Variants in NR3C2 observed in about 807,000 individuals in gnomAD.
The protein encoded by NR3C2 is mineralocorticoid receptor.
Under a neutral mutation model 86.4 loss-of-function variants are expected in NR3C2, and 15 were observed. The observed-to-expected ratio is 0.17, with a 90% CI of 0.12 to 0.27. The LOEUF (loss-of-function observed/expected upper bound fraction) is 0.27. NR3C2 is among the 10% of genes least tolerant of loss of function. The pLI, the probability that NR3C2 is intolerant of heterozygous loss-of-function variation, is 1.00. For missense variants in NR3C2, 960 were observed against 1,195.6 expected, an observed-to-expected ratio of 0.80 and a Z score of 2.91; for synonymous variants, 458 against 450.5, an observed-to-expected ratio of 1.02 and a Z score of -0.21.
At chr4:148,354,416 A>G (rs565529870) in intron 2 of NR3C2, among the ~76,000 whole-genome samples, 169 of 152,274 alleles carry the variant, frequency 1.1e-3, no homozygotes, top group African/African-American at 3.9e-3. Context: ...CGTATTTTCT[A>G]TGGTGCCGGG....
intron 2 of NR3C2, among the ~76,000 whole-genome samples, chr4:148,365,097 A>C (rs1746044156): frequency 6.6e-6 from 1 of 152,212 alleles, no homozygotes; most frequent in Admixed American, 6.5e-5. Flanking sequence ...ATATGCTACC[A>C]ATAAGCAATC....
intron 8 of NR3C2, among the ~76,000 whole-genome samples, chr4:148,097,741 GTTTTTTTTTGTT>G (rs1205603307): frequency 6.5e-5 from 7 of 107,488 alleles, no homozygotes; most frequent in Admixed American, 1.9e-4. Flanking sequence ...ACTTTTTTGC[GTTTTTTTTTGTT>G]TTTTTTTTTT....
chr4:148,205,502 C>A (rs1736959057), intron 3 of NR3C2, among the ~76,000 whole-genome samples: 1 of 152,188 alleles, frequency 6.6e-6, no homozygotes, highest in African/African-American at 2.4e-5. Context: ...TTTTTAACCA[C>A]AGTAAATATG....
chr4:148,295,904 T>C (rs1742025265), intron 2 of NR3C2, among the ~76,000 whole-genome samples: 1 of 151,936 alleles, frequency 6.6e-6, no homozygotes. Flanking sequence ...TGCAGCCCAA[T>C]AGGAGCTCTA....
At chr4:148,380,555 C>T (rs769263885) in intron 2 of NR3C2, among the ~76,000 whole-genome samples, 5 of 152,174 alleles carry the variant, frequency 3.3e-5, no homozygotes, top group African/African-American at 1.2e-4. Flanking sequence ...ATTTTACATT[C>T]CCACCAGCAA....
chr4:148,165,877 T>C (rs61757922), intron 4 of NR3C2, among the ~76,000 whole-genome samples: 1 of 152,164 alleles, frequency 6.6e-6, no homozygotes, highest in African/African-American at 2.4e-5. Flanking sequence ...TAAACAATCT[T>C]CAAGTCAGAA....
chr4:148,277,353 G>C (rs1229465695), intron 2 of NR3C2, among the ~76,000 whole-genome samples: 2 of 152,098 alleles, frequency 1.3e-5, no homozygotes, highest in Non-Finnish European at 2.9e-5. Flanking sequence ...AATCCTCATG[G>C]CTACAGATCA....
At chr4:148,442,427 G>GCAGGGGCAGGGC (rs1488731948), upstream of NR3C2, 29 of 159,696 alleles carry the variant, frequency 1.8e-4, no homozygotes, top group South Asian at 1.4e-3. Context: ...GGGGGCAGGG[G>GCAGGGGCAGGGC]CAGGGGCAGG....
intron 2 of NR3C2, among the ~76,000 whole-genome samples, chr4:148,292,061 T>C (rs1414820312): frequency 3.3e-5 from 5 of 152,116 alleles, no homozygotes; most frequent in South Asian, 4.1e-4. Context: ...TTTTGCACCA[T>C]TGAGGTAATA....
chr4:148,308,463 C>A (rs1210111353), intron 2 of NR3C2, among the ~76,000 whole-genome samples: 1 of 151,880 alleles, frequency 6.6e-6, no homozygotes, highest in African/African-American at 2.4e-5. Flanking sequence ...TGATGAGTAC[C>A]AACTTATGAC....
chr4:148,229,673 G>C (rs1738362239), intron 3 of NR3C2, among the ~76,000 whole-genome samples: 1 of 152,164 alleles, frequency 6.6e-6, no homozygotes, highest in South Asian at 2.1e-4. Flanking sequence ...AGGTCTCCCA[G>C]TTCTAAGATC....
At chr4:148,343,267 A>G (rs910544070) in intron 2 of NR3C2, among the ~76,000 whole-genome samples, 2 of 152,058 alleles carry the variant, frequency 1.3e-5, no homozygotes, top group Non-Finnish European at 2.9e-5. Context: ...GGTCCTTGTT[A>G]TTTTATCTCA....
rs1578875100 is a variant in NR3C2, at chr4:148,094,735, A to AC, written c.2800-13237dup. Among the ~76,000 whole-genome samples, 12 of 135,468 alleles carry AC rather than the reference A, an allele frequency of 8.9e-5. No homozygotes were observed. In the South Asian group the frequency reaches 2.0e-3, roughly 22 times the overall value. 88.9% of individuals were successfully genotyped at this position (135,468 alleles called of 152,430 possible). A position where few individuals can be genotyped will look rare whatever the true frequency, so the allele number is the denominator to read the frequency against. On this transcript the variant is annotated intron_variant, in intron 8 of 8. Coordinates refer to ENST00000358102, the MANE Select transcript of NR3C2 (RefSeq NM_000901.5). ...CATCTCAAAAAAAAAAACAAAAAAA[A>AC]CAAAAAAACAAAAAAAAAACAAAAT...
chr4:148,179,326 TC>T (rs1395703698), intron 4 of NR3C2, among the ~76,000 whole-genome samples: 1 of 150,716 alleles, frequency 6.6e-6, no homozygotes, highest in African/African-American at 2.4e-5. Context: ...GCCCAAAAAG[TC>T]TGAAATGCTA....
At chr4:148,238,631 C>A (rs1368076413) in intron 3 of NR3C2, among the ~76,000 whole-genome samples, 1 of 152,000 alleles carries the variant, frequency 6.6e-6, no homozygotes. Context: ...AGACATTTAA[C>A]AACTGTCCAG....
chr4:148,193,881 G>A (rs1560970994), intron 4 of NR3C2, among the ~76,000 whole-genome samples: 2 of 151,992 alleles, frequency 1.3e-5, no homozygotes, highest in African/African-American at 4.8e-5. Context: ...TTTTCCAGAT[G>A]GTTATCCAAT....
chr4:148,263,613 A>T (rs1178193701), intron 2 of NR3C2, among the ~76,000 whole-genome samples: 3 of 152,238 alleles, frequency 2.0e-5, no homozygotes, highest in African/African-American at 7.2e-5. Flanking sequence ...TAAAAATCTT[A>T]GTAGGACACT....
chr4:148,174,356 T>C (rs771889203), intron 4 of NR3C2, among the ~76,000 whole-genome samples: 1 of 152,168 alleles, frequency 6.6e-6, no homozygotes, highest in Non-Finnish European at 1.5e-5. Context: ...AATAGCATCA[T>C]CGCTCAGGTA....
intron 8 of NR3C2, among the ~76,000 whole-genome samples, chr4:148,111,928 T>C (rs113437405): frequency 0.027 from 4,183 of 152,274 alleles, 186 homozygotes; most frequent in African/African-American, 0.094. Context: ...CAGGTGTGCA[T>C]AGAAGTCAAA....
Sources: allele counts gnomAD v4.1 joint callset (sites outside exome capture counted in the v4.1 genomes callset), GRCh38; gene constraint gnomAD v4.1.1; transcripts MANE v1.5; gene names NCBI Gene and HGNC (gene_info 2026-07-23, HGNC 2026-07-21).